ABCB4: variants seen among roughly 807,000 people sequenced by gnomAD.
ABCB4 encodes the protein ATP binding cassette subfamily B member 4.
A neutral mutation model predicts 145.7 loss-of-function variants in ABCB4; 76 were observed. That is an observed-to-expected ratio of 0.52 (90% CI 0.43 to 0.63). The LOEUF (loss-of-function observed/expected upper bound fraction) is 0.63. ABCB4 is among the 30% of genes least tolerant of loss of function. The pLI is 0.00. For synonymous variants in ABCB4, 517 were observed against 566.8 expected (o/e 0.91, Z 1.25); for missense variants, 1,234 against 1,553.1 (o/e 0.79, Z 3.45).
At chr7:87,399,514 C>T (rs891874708), downstream of ABCB4, 2 of 152,174 alleles carry the variant, frequency 1.3e-5, no homozygotes, top group Non-Finnish European at 2.9e-5. Flanking sequence ...TTTGAACAAA[C>T]AGACAAATTA....
In ABCB4 at chr7:87,403,123, G is replaced by A; in HGVS notation, c.3633+12C>T. The A allele has an allele frequency of 6.2e-7, 1 of 1,613,902 alleles. No individual in the cohort carries two copies. ...AAATTAAATAAGACATAAGTTGGGA[G>A]GCCACACACACCTTTTCACTTTCAG... On this transcript the variant is annotated intron_variant, in intron 27 of 27. Coordinates refer to ENST00000649586, the MANE Select transcript of ABCB4 (RefSeq NM_000443.4).
rs17149674 is a variant in ABCB4 at position 87,463,222 on chromosome 7, G to A, written c.136-314C>T. The stretch of plus-strand genomic sequence containing the variant: ...CAGAGCTCCTGTGGTAATAAAGAAC[G>A]GCTAGGGAAAGACATTAAGTTTAAA... On this transcript the variant is annotated intron_variant, in intron 3 of 27. Transcript: ENST00000649586. 0.024 allele frequency among the ~76,000 whole-genome samples: 3,616 copies of A among 149,756 alleles called. 142 individuals are homozygous for A. The highest frequency in any genetic ancestry group is 0.086 in the African/African-American group (3,440 of 40,022).
At chr7:87,415,462 ATCTT>A (rs1808902920) in intron 21 of ABCB4, among the ~76,000 whole-genome samples, 1 of 151,986 alleles carries the variant, frequency 6.6e-6, no homozygotes, top group African/African-American at 2.4e-5. Flanking sequence ...AACATTTTTA[ATCTT>A]TCATATTTAA....
chr7:87,462,728 G>C (rs1230427820), intron 4 of ABCB4, 30 bp downstream of exon 4: 1 of 1,610,178 alleles, frequency 6.2e-7, no homozygotes, highest in Non-Finnish European at 8.5e-7. Flanking sequence ...AAATGCTATG[G>C]ATTTTTTTAA....
At chr7:87,413,264 G>A (rs1483061994) in intron 22 of ABCB4, among the ~76,000 whole-genome samples, 1 of 152,172 alleles carries the variant, frequency 6.6e-6, no homozygotes, top group African/African-American at 2.4e-5. Context: ...TTTTGGTTCA[G>A]TCTACACACT....
chr7:87,409,157 T>C, intron 24 of ABCB4, 79 bp downstream of exon 24: 1 of 1,531,120 alleles, frequency 6.5e-7, no homozygotes, highest in Non-Finnish European at 9.0e-7. Context: ...ATCACAAACT[T>C]ATCCTGTAGC....
chr7:87,382,571 C>T, the ABCB4 span: 1 of 1,600,810 alleles, frequency 6.2e-7, no homozygotes, highest in South Asian at 1.1e-5. Context: ...TCTATTTTCA[C>T]AGTCTTGAAG....
intron 14 of ABCB4, among the ~76,000 whole-genome samples, chr7:87,439,406 A>G (rs1584740014): frequency 6.6e-6 from 1 of 152,178 alleles, no homozygotes; most frequent in East Asian, 1.9e-4. Context: ...GCAATAGCCC[A>G]TGTGCAAGAA....
rs1198820142 is a variant in ABCB4 at position 87,451,648 on chromosome 7, C to G, written c.683G>C (p.Gly228Ala). 6.2e-7 allele frequency: 1 copy of G among 1,614,038 alleles called. No individual in the cohort carries two copies. Among genetic ancestry groups the G allele is most frequent in the Non-Finnish European group, 8.5e-7 (1 of 1,180,016 alleles). The change falls in exon 7 of 28, where the codon GGA (glycine) becomes GCA (alanine). Residue 228 changes from glycine to alanine, a missense_variant. Around this residue, in one of 7 missense-constraint regions of ABCB4, gnomAD observed 467 missense variants for 632.8 expected, o/e 0.74. Transcript: ENST00000649586. ...LVIMAISPIL[G>A]LSAAVWAKIL... The stretch of plus-strand genomic sequence containing the variant: ...CTTTGCCCAAACGGCTGCAGAGAGT[C>G]CTAGAATAGGGCTGATGGCCATTAT...
intron 4 of ABCB4, among the ~76,000 whole-genome samples, chr7:87,456,197 C>A (rs1289487593): frequency 6.6e-6 from 1 of 152,258 alleles, no homozygotes; most frequent in Non-Finnish European, 1.5e-5. Context: ...TTTCCCTGAA[C>A]TGAAAAATTG....
intron 17 of ABCB4, among the ~76,000 whole-genome samples, chr7:87,422,757 C>A (rs1042382182): frequency 6.6e-6 from 1 of 152,134 alleles, no homozygotes; most frequent in African/African-American, 2.4e-5. Context: ...GAAACAGCAC[C>A]CCCAGCTAAC....
At chr7:87,375,763 A>C in the ABCB4 span, 2 of 1,612,360 alleles carry the variant, frequency 1.2e-6, no homozygotes, top group South Asian at 2.2e-5. Flanking sequence ...GCTTTTCTCT[A>C]ACAAACTCTT....
chr7:87,465,621 C>G (rs1298169672), intron 3 of ABCB4, among the ~76,000 whole-genome samples: 1 of 152,156 alleles, frequency 6.6e-6, no homozygotes, highest in African/African-American at 2.4e-5. Flanking sequence ...GTCCCTGACC[C>G]CCGAGTAGCC....
At chr7:87,379,198 A>G in the ABCB4 span, among the ~76,000 whole-genome samples, 2 of 152,136 alleles carry the variant, frequency 1.3e-5, no homozygotes, top group African/African-American at 4.8e-5. Flanking sequence ...CTCTGCATAC[A>G]TATTTTGACA....
chr7:87,398,877 T>C (rs1807647607), downstream of ABCB4: 3 of 498,092 alleles, frequency 6.0e-6, no homozygotes, highest in East Asian at 7.4e-5. Flanking sequence ...AATTATGACA[T>C]AGTGAATATA....
chr7:87,398,648 T>C, downstream of ABCB4: 1 of 1,612,562 alleles, frequency 6.2e-7, no homozygotes. Context: ...TCTTTAGAGA[T>C]GAATCATCTA....
rs769944852 is a variant in ABCB4, at chr7:87,417,454, A to G, written c.2540T>C (p.Ile847Thr). The G allele has an allele frequency of 5.0e-6, 8 of 1,614,172 alleles. No individual in the cohort carries two copies. The highest frequency in any genetic ancestry group is 2.2e-5 in the South Asian group (2 of 91,086). Residue 847 changes from isoleucine (I) to threonine (T), a missense_variant, in exon 21 of 28, where the codon ATC (isoleucine) becomes ACC (threonine). By Grantham distance (89) the Ile-to-Thr change is moderately conservative. This residue lies in a region of ABCB4 where 321 missense variants were observed against 332.6 expected (regional missense o/e 0.97). Transcript: ENST00000649586. ...CTGCCAACCGTAGATAAATGATATG[A>G]TAATACCAGTTCCAAGGTTAGCTAT... ...QNIANLGTGIIISFIYGWQLT... is the reference protein window; with the variant it reads ...QNIANLGTGITISFIYGWQLT...
chr7:87,465,403 G>A lies in ABCB4; in HGVS notation c.136-2495C>T, dbSNP rs187334081. 7.1e-3 allele frequency among the ~76,000 whole-genome samples: 1,085 copies of A among 152,236 alleles called. 18 individuals carry two copies. The highest frequency in any genetic ancestry group is 0.025 in the African/African-American group (1,028 of 41,548). On this transcript the variant is annotated intron_variant, in intron 3 of 27. Transcript: ENST00000649586. ...AAGCTCTTGAGTAGGTAAACAAAGC[G>A]GCCAGGAACTGGGTGGAGCCCACCA...
chr7:87,451,598 A>T, intron 7 of ABCB4, 25 bp downstream of exon 7: 1 of 1,614,098 alleles, frequency 6.2e-7, no homozygotes, highest in Non-Finnish European at 8.5e-7. Flanking sequence ...GTTAACACAC[A>T]TAAAAAGGCC....
Sources: gnomAD v4.1 joint callset for allele counts (sites outside exome capture counted in the v4.1 genomes callset) on GRCh38, gnomAD v4.1.1 for gene constraint, gnomAD v4.1.1 regional missense constraint, MANE v1.5 for transcripts, NCBI Gene and HGNC (gene_info 2026-07-23, HGNC 2026-07-21) for gene names.